NSRP1: variants seen among roughly 807,000 people sequenced by gnomAD.
NSRP1 encodes the protein coiled-coil domain containing 55.
NSRP1 carries 24 observed loss-of-function variants against 54.7 expected under a neutral mutation model. The observed-to-expected ratio is 0.44, with a 90% confidence interval of 0.32 to 0.62. The LOEUF is 0.62. Among genes scored for constraint, NSRP1 ranks in the 20% least tolerant of loss-of-function variants. NSRP1 has a pLI of 0.06. For synonymous variants in NSRP1, 210 were observed against 213.8 expected (o/e 0.98, Z 0.15); for missense variants, 596 against 651.2 (o/e 0.92, Z 0.92).
At chr17:30,146,002 AC>A (rs63686461) in intron 2 of NSRP1, among the ~76,000 whole-genome samples, 58,892 of 151,866 alleles carry the variant, frequency 0.39, 13,654 homozygotes, top group East Asian at 0.82. Context: ...GGTGCATGCC[AC>A]CATGCCCAGC....
intron 2 of NSRP1, among the ~76,000 whole-genome samples, chr17:30,161,250 C>G (rs1264623334): frequency 6.6e-6 from 1 of 152,126 alleles, no homozygotes; most frequent in Non-Finnish European, 1.5e-5. Flanking sequence ...AATACCTGTG[C>G]ATGGAATGGC....
chr17:30,155,050 A>G (rs1275240819), intron 2 of NSRP1, among the ~76,000 whole-genome samples: 4 of 152,194 alleles, frequency 2.6e-5, no homozygotes, highest in Non-Finnish European at 5.9e-5. Context: ...GCTTTCCATC[A>G]GCACTTTAAA....
chr17:30,164,301 C>A (rs1904652435), intron 2 of NSRP1, among the ~76,000 whole-genome samples: 1 of 152,194 alleles, frequency 6.6e-6, no homozygotes, highest in South Asian at 2.1e-4. Context: ...GCTACTGCTT[C>A]AGGTTTTTGA....
In NSRP1 at chr17:30,127,938, ACGC is replaced by A. The variant is rs1452392566; in HGVS notation, c.114+9767_114+9769del. On this transcript the variant is annotated intron_variant, in intron 2 of 6. Transcript: ENST00000247026. ...CAGCCTCAACCTCCCAGGCCGAAGC[ACGC>A]CTCTCACCTCAGCCTCCCAAGTAGC... 1.0e-5 allele frequency: 4 copies of A among 397,816 alleles called. No homozygotes were observed. The East Asian group carries it at 1.4e-4, about 14-fold the overall frequency. The allele number at this position is 397,816 out of a possible 1,614,324, so 24.6% of individuals were successfully genotyped here. A position where few individuals can be genotyped will look rare whatever the true frequency, so the allele number is the denominator to read the frequency against.
At chr17:30,132,202 CATACCACTG>C (rs2071706516) in intron 2 of NSRP1, among the ~76,000 whole-genome samples, 1 of 149,200 alleles carries the variant, frequency 6.7e-6, no homozygotes, top group Non-Finnish European at 1.5e-5. Flanking sequence ...GAGCTGAGAT[CATACCACTG>C]CACTCCAGCC....
At chr17:30,180,782 T>G (rs1356386547) in intron 5 of NSRP1, 126 bp from the exon 6 acceptor site, 1 of 602,592 alleles carries the variant, frequency 1.7e-6, no homozygotes, top group Non-Finnish European at 2.9e-6. Context: ...AGATTTGGCC[T>G]GCAGTTTGCC....
intron 1 of NSRP1, chr17:30,117,102 C>A: frequency 1.3e-6 from 1 of 758,226 alleles, no homozygotes; most frequent in Admixed American, 1.8e-5. Flanking sequence ...GGCTGAGGGG[C>A]AGAGAGCGAG....
At chr17:30,131,969 C>T (rs143398106) in intron 2 of NSRP1, among the ~76,000 whole-genome samples, 1 of 152,278 alleles carries the variant, frequency 6.6e-6, no homozygotes, top group East Asian at 1.9e-4. Context: ...CAGTGCAAGG[C>T]CAGGCGCGGT....
At chr17:30,135,986 G>A (rs549488957) in intron 2 of NSRP1, among the ~76,000 whole-genome samples, 102 of 152,156 alleles carry the variant, frequency 6.7e-4, no homozygotes, top group Middle Eastern at 3.4e-3. Flanking sequence ...GCCAAGGCGG[G>A]TGGATCACCT....
Position 30,117,241 on chromosome 17 carries a change from G to T in NSRP1, c.20+378G>T, listed in dbSNP as rs1024514750. 9 of 613,758 alleles carry T rather than the reference G, an allele frequency of 1.5e-5. No individual in the cohort carries two copies. The African/African-American group carries it at 1.7e-4, about 11-fold the overall frequency. The allele number at this position is 613,758 out of a possible 1,614,324, so 38.0% of individuals were successfully genotyped here. ...AGAGACAGTTCCTGGCTTCCTTAGAGGGCCTTGTTCTCCTTGGCAGAAGCT... is the reference window on the plus strand; with the variant it reads ...AGAGACAGTTCCTGGCTTCCTTAGATGGCCTTGTTCTCCTTGGCAGAAGCT... On this transcript the variant is annotated intron_variant, in intron 1 of 6. Coordinates refer to ENST00000247026, the MANE Select transcript of NSRP1 (RefSeq NM_032141.4).
chr17:30,117,842 A>G (rs1156837563), intron 1 of NSRP1: 4 of 344,394 alleles, frequency 1.2e-5, no homozygotes, highest in Non-Finnish European at 2.1e-5. Flanking sequence ...CTCTTCTTTG[A>G]TAAAAATGGT....
chr17:30,129,543 T>C (rs892545636), intron 2 of NSRP1, among the ~76,000 whole-genome samples: 2 of 152,146 alleles, frequency 1.3e-5, no homozygotes, highest in Non-Finnish European at 2.9e-5. Context: ...TCTTTAATCT[T>C]TTTAAAAATT....
intron 2 of NSRP1, among the ~76,000 whole-genome samples, chr17:30,167,761 T>C (rs997181488): frequency 1.3e-5 from 2 of 152,224 alleles, no homozygotes; most frequent in African/African-American, 4.8e-5. Flanking sequence ...CTGTTTTTCA[T>C]TGATACTATG....
At chr17:30,149,259 G>A (rs8064905) in intron 2 of NSRP1, among the ~76,000 whole-genome samples, 58 of 151,848 alleles carry the variant, frequency 3.8e-4, no homozygotes, top group African/African-American at 1.3e-3. Flanking sequence ...TGTGTTGTCC[G>A]GGCTTGTCTT....
intron 6 of NSRP1, among the ~76,000 whole-genome samples, chr17:30,181,479 T>TGCA (rs1364379983): frequency 6.6e-6 from 1 of 150,476 alleles, no homozygotes; most frequent in Non-Finnish European, 1.5e-5. Context: ...CATAGCTCAC[T>TGCA]GCAGCCTTTG....
At position 30,184,756 on chromosome 17, in the gene NSRP1, G is replaced by C. The variant is rs745710731; in HGVS notation, c.759G>C (p.Lys253Asn). The C allele has an allele frequency of 3.7e-6, 6 of 1,614,132 alleles. No homozygotes were observed. Among genetic ancestry groups the C allele is most frequent in the Admixed American group, 1.7e-5 (1 of 60,020 alleles). Residue 253 changes from lysine to asparagine, a missense_variant, in exon 7 of 7, where the codon AAG (lysine) becomes AAC (asparagine). Coordinates refer to ENST00000247026, the MANE Select transcript of NSRP1 (RefSeq NM_032141.4). Reference sequence around the variant, plus strand: ...ATGCAGACAGTGACTTCGATGCTAAGAGCAGTGCGGATGATGAAATAGAAG... The same window carrying C: ...ATGCAGACAGTGACTTCGATGCTAACAGCAGTGCGGATGATGAAATAGAAG... ...NPDADSDFDA[K>N]SSADDEIEET...
intron 2 of NSRP1, among the ~76,000 whole-genome samples, chr17:30,123,280 G>C (rs1439775679): frequency 3.3e-5 from 5 of 151,604 alleles, no homozygotes; most frequent in Non-Finnish European, 7.4e-5. Flanking sequence ...ACTACGCCCA[G>C]CTAATTTTTG....
intron 2 of NSRP1, among the ~76,000 whole-genome samples, chr17:30,134,933 T>C (rs1236606211): frequency 3.3e-5 from 5 of 152,150 alleles, no homozygotes; most frequent in Admixed American, 2.6e-4. Flanking sequence ...TCCAGTGACC[T>C]AGGAATATTT....
chr17:30,156,872 T>C (rs576473583), intron 2 of NSRP1, among the ~76,000 whole-genome samples: 117 of 152,274 alleles, frequency 7.7e-4, no homozygotes, highest in African/African-American at 2.7e-3. Flanking sequence ...ATATGCCACA[T>C]TTTCTTTGTC....
Sources: allele counts gnomAD v4.1 joint callset (sites outside exome capture counted in the v4.1 genomes callset), GRCh38; gene constraint gnomAD v4.1.1; transcripts MANE v1.5; gene names NCBI Gene and HGNC (gene_info 2026-07-23, HGNC 2026-07-21).